PCLO: variants seen among roughly 807,000 people sequenced by gnomAD.
PCLO encodes the protein protein piccolo.
In PCLO, 82 loss-of-function variants were observed where a neutral mutation model predicts 427.5. That is an observed-to-expected ratio of 0.19 (90% CI 0.16 to 0.23). PCLO has a LOEUF of 0.23. Among genes scored for constraint, PCLO ranks in the 10% least tolerant of loss-of-function variants. The probability of loss-of-function intolerance (pLI) is 1.00; values close to 1 mark genes in which losing one functional copy is unlikely to be tolerated. For synonymous variants in PCLO, 2,357 were observed against 2,155.4 expected (o/e 1.09, Z -2.59); for missense variants, 6,239 against 6,115.9 (o/e 1.02, Z -0.67).
intron 3 of PCLO, among the ~76,000 whole-genome samples, chr7:82,992,631 T>G (rs1796404201): frequency 6.6e-6 from 1 of 151,870 alleles, no homozygotes; most frequent in Non-Finnish European, 1.5e-5. Context: ...TTAGGACAAA[T>G]ATCTAATGCA....
chr7:83,063,688 C>T (rs938835793), intron 3 of PCLO, among the ~76,000 whole-genome samples: 6 of 152,044 alleles, frequency 3.9e-5, no homozygotes, highest in Admixed American at 3.3e-4. Flanking sequence ...GATGTAACCC[C>T]ATTAGGGGAA....
Position 83,069,581 on chromosome 7 carries a change from G to A in PCLO, c.3300+64669C>T, listed in dbSNP as rs554375811. On this transcript the variant is annotated intron_variant, in intron 3 of 24. Coordinates refer to ENST00000333891, the MANE Select transcript of PCLO (RefSeq NM_033026.6). ...TACATGTACTTTTACATATACACAC[G>A]TATTCTAAAACAGGAATATTAACAT... 5.9e-5 allele frequency among the ~76,000 whole-genome samples: 9 copies of A among 152,094 alleles called. No individual in the cohort carries two copies. In the South Asian group the frequency reaches 8.3e-4, roughly 14 times the overall value.
chr7:83,141,449 A>G (rs965737835), intron 2 of PCLO, among the ~76,000 whole-genome samples: 1 of 152,188 alleles, frequency 6.6e-6, no homozygotes, highest in African/African-American at 2.4e-5. Flanking sequence ...AGCTACTTAA[A>G]CTCAATTATC....
Position 83,154,902 on chromosome 7 carries a change from G to C in PCLO, c.1739C>G (p.Pro580Arg), listed in dbSNP as rs1455398644. ...PTVSPSAKQP[P>R]SQGLPKTICP... ...GATGGTTTTAGGGAGGCCTTGTGAA[G>C]GAGGCTGTTTTGCAGATGGAGACAC... is the stretch of plus-strand genomic sequence containing the variant. Residue 580 changes from proline (P) to arginine (R), a missense_variant, in exon 2 of 25, where the codon CCT (proline) becomes CGT (arginine). Transcript: ENST00000333891. The C allele has an allele frequency of 2.5e-6, 4 of 1,613,946 alleles. No individual in the cohort carries two copies. Among genetic ancestry groups the C allele is most frequent in the Non-Finnish European group, 2.5e-6 (3 of 1,179,910 alleles).
chr7:82,954,375 G>A lies in PCLO; in HGVS notation c.6578C>T (p.Thr2193Ile). The A allele has an allele frequency of 6.2e-7, 1 of 1,613,886 alleles. No individual in the cohort carries two copies. Among genetic ancestry groups the A allele is most frequent in the Non-Finnish European group, 8.5e-7 (1 of 1,179,840 alleles). The change falls in exon 5 of 25, where the codon ACC becomes ATC. Residue 2193 changes from threonine (T) to isoleucine (I), a missense_variant. This residue lies in a region of PCLO where 4,677 missense variants were observed against 4,468.4 expected (regional missense o/e 1.05). Coordinates refer to ENST00000333891, the MANE Select transcript of PCLO (RefSeq NM_033026.6). Reference sequence around the variant, plus strand: ...AGTAATGGGTGAAGAGCTATCTGTGGTACAGACCGAAGAAACAGATGATGT... The same window carrying A: ...AGTAATGGGTGAAGAGCTATCTGTGATACAGACCGAAGAAACAGATGATGT... ...SLTSSVSSVCTTDSSSPITTL... is the reference protein window; with the variant it reads ...SLTSSVSSVCITDSSSPITTL...
At chr7:83,123,814 A>G (rs1004034778) in intron 3 of PCLO, among the ~76,000 whole-genome samples, 4 of 152,030 alleles carry the variant, frequency 2.6e-5, no homozygotes, top group Non-Finnish European at 5.9e-5. Flanking sequence ...CAAAAGGGTC[A>G]GGCGCAGTGG....
intron 3 of PCLO, among the ~76,000 whole-genome samples, chr7:82,988,574 C>T (rs1051070716): frequency 7.2e-5 from 11 of 151,876 alleles, no homozygotes; most frequent in Non-Finnish European, 1.5e-4. Context: ...AACATGAGTA[C>T]AATCAGTATT....
chr7:82,931,026 C>T (rs999768586), intron 6 of PCLO, among the ~76,000 whole-genome samples: 53 of 151,872 alleles, frequency 3.5e-4, no homozygotes, highest in Admixed American at 3.2e-3. Flanking sequence ...TTTAGTGGTC[C>T]GGGAGAAAAA....
intron 10 of PCLO, among the ~76,000 whole-genome samples, chr7:82,870,801 C>A (rs1445158475): frequency 6.6e-6 from 1 of 151,974 alleles, no homozygotes; most frequent in East Asian, 1.9e-4. Flanking sequence ...ATATACATTT[C>A]TCAAAAGAAG....
intron 2 of PCLO, among the ~76,000 whole-genome samples, chr7:83,137,442 T>TCA (rs1791757509): frequency 1.3e-5 from 2 of 152,268 alleles, no homozygotes; most frequent in Admixed American, 6.5e-5. Context: ...ATTCATTCAT[T>TCA]TATTTAGAGA....
intron 9 of PCLO, among the ~76,000 whole-genome samples, chr7:82,885,663 G>A (rs1363606978): frequency 6.6e-6 from 1 of 152,094 alleles, no homozygotes; most frequent in African/African-American, 2.4e-5. Context: ...TGATTGAGCA[G>A]TGATAGAGGG....
At chr7:82,816,854 T>C (rs982249681) in intron 20 of PCLO, among the ~76,000 whole-genome samples, 3 of 152,102 alleles carry the variant, frequency 2.0e-5, no homozygotes, top group Admixed American at 1.3e-4. Flanking sequence ...AGAACAGAAG[T>C]ACCCATTGAT....
chr7:82,892,114 G>C (rs1054917639), intron 9 of PCLO, among the ~76,000 whole-genome samples: 52 of 152,056 alleles, frequency 3.4e-4, no homozygotes, highest in African/African-American at 1.2e-3. Context: ...AGCCCGCATA[G>C]CCAAGTCAAT....
At chr7:82,945,570 A>G (rs1235625534) in intron 6 of PCLO, among the ~76,000 whole-genome samples, 1 of 152,186 alleles carries the variant, frequency 6.6e-6, no homozygotes, top group African/African-American at 2.4e-5. Flanking sequence ...AGGTAGACAC[A>G]TACAGAAGGA....
At chr7:82,947,828 C>T (rs1382623438) in intron 6 of PCLO, among the ~76,000 whole-genome samples, 1 of 152,088 alleles carries the variant, frequency 6.6e-6, no homozygotes, top group African/African-American at 2.4e-5. Context: ...GTATCAATTT[C>T]CAAGTGGATA....
At chr7:83,071,125 G>GT (rs1789805505) in intron 3 of PCLO, among the ~76,000 whole-genome samples, 2 of 151,508 alleles carry the variant, frequency 1.3e-5, no homozygotes, top group Admixed American at 1.3e-4. Flanking sequence ...TATTCACACT[G>GT]TTGTGCAGCC....
At chr7:82,890,252 T>C (rs1025363208) in intron 9 of PCLO, among the ~76,000 whole-genome samples, 2 of 152,040 alleles carry the variant, frequency 1.3e-5, no homozygotes, top group Non-Finnish European at 2.9e-5. Context: ...TATATTCCAT[T>C]GGTAAAATTA....
rs1019384841 is a variant in PCLO, at chr7:82,951,431, T to C, written c.9157A>G (p.Ile3053Val). Residue 3053 changes from isoleucine to valine, a missense_variant, in exon 6 of 25, where the codon ATT becomes GTT. This residue lies in a region of PCLO where 4,677 missense variants were observed against 4,468.4 expected (regional missense o/e 1.05). Transcript: ENST00000333891. ...TGPYPETRQV[I>V]SGAGISTPQY... Reference sequence around the variant, plus strand: ...GGGGTACTAATCCCAGCTCCTGAAATGACTTGTCGTGTTTCTGGATATGGA... The same window carrying C: ...GGGGTACTAATCCCAGCTCCTGAAACGACTTGTCGTGTTTCTGGATATGGA... 12 of 1,592,584 alleles carry C rather than the reference T, an allele frequency of 7.5e-6. No individual in the cohort carries two copies. The highest frequency in any genetic ancestry group is 1.8e-5 in the Admixed American group (1 of 56,386).
At chr7:82,820,672 T>C in intron 20 of PCLO, 2 of 1,230,870 alleles carry the variant, frequency 1.6e-6, no homozygotes, top group Non-Finnish European at 2.0e-6. Context: ...CTAAGAATTT[T>C]CAAAATCCAC....
Sources: allele counts gnomAD v4.1 joint callset (sites outside exome capture counted in the v4.1 genomes callset), GRCh38; gene constraint gnomAD v4.1.1; regional missense constraint gnomAD v4.1.1; transcripts MANE v1.5; gene names NCBI Gene and HGNC (gene_info 2026-07-23, HGNC 2026-07-21).